Variants in DISP1 observed in about 807,000 individuals in gnomAD.
The protein encoded by DISP1 is dispatched RND transporter family member 1.
DISP1 carries 30 observed loss-of-function variants against 37.3 expected under a neutral mutation model. That is an observed-to-expected ratio of 0.80 (90% CI 0.60 to 1.09). DISP1 has a LOEUF of 1.09. Among genes scored for constraint, DISP1 ranks in the 50% least tolerant of loss-of-function variants. The probability of loss-of-function intolerance (pLI) is 0.00; values close to 1 mark genes in which losing one functional copy is unlikely to be tolerated. For synonymous variants in DISP1, 634 were observed against 690.2 expected (o/e 0.92, Z 1.28); for missense variants, 1,598 against 1,879.5 (o/e 0.85, Z 2.77).
chr1:222,936,859 AAT>A (rs1673880524), intron 2 of DISP1, among the ~76,000 whole-genome samples: 2 of 59,314 alleles, frequency 3.4e-5, no homozygotes, highest in Admixed American at 2.6e-4. Flanking sequence ...TATGATATAT[AAT>A]TTATATATCA....
intron 1 of DISP1, among the ~76,000 whole-genome samples, chr1:222,852,907 C>T (rs999020756): frequency 6.6e-6 from 1 of 151,700 alleles, no homozygotes; most frequent in African/African-American, 2.4e-5. Context: ...ATGGGGGGCT[C>T]TGGGTGTACA....
At chr1:222,856,706 G>A (rs985065082) in intron 1 of DISP1, among the ~76,000 whole-genome samples, 6 of 132,026 alleles carry the variant, frequency 4.5e-5, no homozygotes, top group Non-Finnish European at 6.4e-5. Flanking sequence ...ATTATAATTC[G>A]TTTTTTTTTT....
chr1:222,832,287 T>G (rs11487817), intron 1 of DISP1, among the ~76,000 whole-genome samples: 14,415 of 152,140 alleles, frequency 0.095, 774 homozygotes, highest in African/African-American at 0.12. Flanking sequence ...GATTTACTAC[T>G]TGTTGGCTTA....
chr1:222,850,831 T>C (rs774680111), intron 1 of DISP1, among the ~76,000 whole-genome samples: 6 of 152,280 alleles, frequency 3.9e-5, no homozygotes, highest in Admixed American at 3.9e-4. Flanking sequence ...CACATTTTCT[T>C]TATCCAGTCT....
At chr1:222,865,239 G>A (rs554440345) in intron 1 of DISP1, among the ~76,000 whole-genome samples, 1 of 151,966 alleles carries the variant, frequency 6.6e-6, no homozygotes, top group Non-Finnish European at 1.5e-5. Flanking sequence ...TTATGGTATA[G>A]AATTCAAAAT....
At chr1:222,841,862 G>T (rs1667630786) in intron 1 of DISP1, among the ~76,000 whole-genome samples, 1 of 152,208 alleles carries the variant, frequency 6.6e-6, no homozygotes, top group Admixed American at 6.5e-5. Flanking sequence ...ACTTTCTGTT[G>T]GTATTGGTAA....
intron 1 of DISP1, among the ~76,000 whole-genome samples, chr1:222,921,338 C>T (rs1572513855): frequency 6.6e-6 from 1 of 152,018 alleles, no homozygotes; most frequent in East Asian, 1.9e-4. Context: ...AAGTAATTGG[C>T]AATTAAGCTA....
At chr1:222,891,896 G>C (rs1670964736) in intron 1 of DISP1, among the ~76,000 whole-genome samples, 1 of 152,030 alleles carries the variant, frequency 6.6e-6, no homozygotes, top group South Asian at 2.1e-4. Context: ...GGCAATGAAG[G>C]GAAGGTGATA....
At chr1:222,966,825 G>A (rs1383287724) in intron 3 of DISP1, among the ~76,000 whole-genome samples, 5 of 152,018 alleles carry the variant, frequency 3.3e-5, no homozygotes, top group Non-Finnish European at 7.4e-5. Flanking sequence ...AGTGAAATCA[G>A]AATGGTTTAA....
chr1:222,885,832 T>C (rs1404100456), intron 1 of DISP1, among the ~76,000 whole-genome samples: 1 of 152,142 alleles, frequency 6.6e-6, no homozygotes, highest in Non-Finnish European at 1.5e-5. Context: ...ATGTATATAA[T>C]GTAGCATTCA....
intron 1 of DISP1, among the ~76,000 whole-genome samples, chr1:222,848,038 T>G (rs1205614490): frequency 6.6e-6 from 1 of 152,134 alleles, no homozygotes; most frequent in Non-Finnish European, 1.5e-5. Context: ...TGAGATTTTT[T>G]GGGGGGAATA....
At chr1:222,862,351 C>T (rs369458499) in intron 1 of DISP1, among the ~76,000 whole-genome samples, 1 of 152,194 alleles carries the variant, frequency 6.6e-6, no homozygotes, top group East Asian at 1.9e-4. Flanking sequence ...GTTGCCATTA[C>T]ACCCTTTTAC....
At chr1:222,997,094 A>G (rs1356638978) in intron 8 of DISP1, among the ~76,000 whole-genome samples, 1 of 150,034 alleles carries the variant, frequency 6.7e-6, no homozygotes. Flanking sequence ...CATGATTTAT[A>G]TAGATAGATA....
intron 3 of DISP1, among the ~76,000 whole-genome samples, chr1:222,980,064 A>G (rs978196757): frequency 6.6e-6 from 1 of 152,218 alleles, no homozygotes. Context: ...GAAAAAAATC[A>G]TCAAAATTTA....
chr1:222,819,635 G>C (rs539717698), intron 1 of DISP1, among the ~76,000 whole-genome samples: 1 of 151,316 alleles, frequency 6.6e-6, no homozygotes, highest in South Asian at 2.1e-4. Flanking sequence ...CGCCTCCTGG[G>C]TTCAAACGAT....
intron 1 of DISP1, among the ~76,000 whole-genome samples, chr1:222,917,378 G>A (rs1447873854): frequency 6.6e-6 from 1 of 152,116 alleles, no homozygotes; most frequent in African/African-American, 2.4e-5. Flanking sequence ...GGACAGATAG[G>A]GTCCTATAGG....
At chr1:222,862,686 C>T (rs191959251) in intron 1 of DISP1, among the ~76,000 whole-genome samples, 38 of 152,176 alleles carry the variant, frequency 2.5e-4, no homozygotes, top group Admixed American at 2.1e-3. Context: ...GTATGTGCCA[C>T]CACGCTTGGG....
chr1:222,970,630 A>G (rs1329730995), intron 3 of DISP1, among the ~76,000 whole-genome samples: 3 of 152,204 alleles, frequency 2.0e-5, no homozygotes, highest in African/African-American at 7.2e-5. Context: ...ACAGCAGGAA[A>G]GGACCTTAGA....
intron 1 of DISP1, among the ~76,000 whole-genome samples, chr1:222,849,331 C>T (rs1042578369): frequency 2.6e-5 from 4 of 152,146 alleles, no homozygotes; most frequent in East Asian, 1.9e-4. Flanking sequence ...CTATTTTTTG[C>T]GCAAATAACC....
Sources: gnomAD v4.1 joint callset for allele counts (sites outside exome capture counted in the v4.1 genomes callset) on GRCh38, gnomAD v4.1.1 for gene constraint, MANE v1.5 for transcripts, NCBI Gene and HGNC (gene_info 2026-07-23, HGNC 2026-07-21) for gene names.